CA10: variants seen among roughly 807,000 people sequenced by gnomAD.
The protein encoded by CA10 is carbonic anhydrase-related protein 10.
Under a neutral mutation model 44.2 loss-of-function variants are expected in CA10, and 14 were observed. The observed-to-expected ratio is 0.32, with a 90% confidence interval of 0.21 to 0.50. The LOEUF (loss-of-function observed/expected upper bound fraction) is 0.50. Ranked by LOEUF, CA10 falls within the 20% of genes least tolerant of loss-of-function variation. CA10 has a pLI of 0.99. For missense variants in CA10, 350 were observed against 409.7 expected (o/e 0.85, Z 1.26); for synonymous variants, 159 against 141.6 (o/e 1.12, Z -0.87).
intron 4 of CA10, among the ~76,000 whole-genome samples, chr17:51,665,292 G>T (rs980668732): frequency 2.0e-5 from 3 of 151,498 alleles, no homozygotes; most frequent in African/African-American, 4.9e-5. Flanking sequence ...GACTGTAGGG[G>T]ATGAATATTA....
chr17:52,044,074 T>C (rs922710586), intron 2 of CA10, among the ~76,000 whole-genome samples: 3 of 152,062 alleles, frequency 2.0e-5, no homozygotes, highest in Non-Finnish European at 4.4e-5. Context: ...ATTGTAAAAT[T>C]AGTTTGGGAG....
intron 3 of CA10, among the ~76,000 whole-genome samples, chr17:51,920,531 A>T (rs1982187603): frequency 6.6e-6 from 1 of 152,212 alleles, no homozygotes; most frequent in South Asian, 2.1e-4. Flanking sequence ...AGGAGTAAAG[A>T]ATGAGAGAGA....
At chr17:52,078,655 G>A (rs941319848) in intron 1 of CA10, among the ~76,000 whole-genome samples, 1 of 152,196 alleles carries the variant, frequency 6.6e-6, no homozygotes, top group South Asian at 2.1e-4. Flanking sequence ...TTCTAACATT[G>A]GATGCATATC....
intron 3 of CA10, among the ~76,000 whole-genome samples, chr17:51,772,680 TG>T (rs1436004812): frequency 8.9e-5 from 13 of 145,278 alleles, no homozygotes; most frequent in African/African-American, 2.3e-4. Context: ...TTTTTTTTTT[TG>T]AACTAGGCCA....
chr17:52,125,127 T>C (rs906732644), intron 1 of CA10, among the ~76,000 whole-genome samples: 1 of 152,204 alleles, frequency 6.6e-6, no homozygotes, highest in Non-Finnish European at 1.5e-5. Context: ...GTTTGTGAGG[T>C]CTTAGCTGAC....
At chr17:52,039,042 A>G (rs1466818517) in intron 2 of CA10, among the ~76,000 whole-genome samples, 3 of 152,084 alleles carry the variant, frequency 2.0e-5, no homozygotes, top group Non-Finnish European at 1.5e-5. Flanking sequence ...ATTTTTCCCA[A>G]CTCATGCATT....
At chr17:51,858,745 C>A (rs1979166046) in intron 3 of CA10, among the ~76,000 whole-genome samples, 2 of 152,162 alleles carry the variant, frequency 1.3e-5, no homozygotes, top group Non-Finnish European at 2.9e-5. Flanking sequence ...CACATTTGTG[C>A]AAACCTACTG....
At chr17:51,715,465 T>G (rs973638729) in intron 4 of CA10, among the ~76,000 whole-genome samples, 11 of 152,172 alleles carry the variant, frequency 7.2e-5, no homozygotes, top group Non-Finnish European at 1.2e-4. Flanking sequence ...AATGCTTGTA[T>G]ATATTTTTGG....
chr17:51,919,349 A>T (rs1982132888), intron 3 of CA10, among the ~76,000 whole-genome samples: 1 of 152,130 alleles, frequency 6.6e-6, no homozygotes, highest in African/African-American at 2.4e-5. Flanking sequence ...TGTACAACTG[A>T]TACCAGCTTT....
At chr17:51,749,338 T>C (rs139787623) in intron 3 of CA10, among the ~76,000 whole-genome samples, 5 of 152,244 alleles carry the variant, frequency 3.3e-5, no homozygotes, top group Non-Finnish European at 5.9e-5. Flanking sequence ...GTCCTGAGAG[T>C]AGACCTTGAG....
intron 1 of CA10, among the ~76,000 whole-genome samples, chr17:52,102,537 C>G (rs1380794082): frequency 6.6e-6 from 1 of 152,152 alleles, no homozygotes; most frequent in East Asian, 1.9e-4. Context: ...CTGAACCAAT[C>G]AAAAGCTGCC....
chr17:52,009,189 G>GT (rs947188701), intron 2 of CA10, among the ~76,000 whole-genome samples: 24 of 150,928 alleles, frequency 1.6e-4, no homozygotes, highest in Admixed American at 6.6e-4. Context: ...AATTTTGAAA[G>GT]TTTTTTTTTA....
chr17:52,101,099 C>T (rs754122027), intron 1 of CA10, among the ~76,000 whole-genome samples: 1 of 152,164 alleles, frequency 6.6e-6, no homozygotes, highest in Non-Finnish European at 1.5e-5. Context: ...ATAATGTAAG[C>T]TGATGCCACC....
chr17:51,968,802 A>G (rs1254049721), intron 2 of CA10, among the ~76,000 whole-genome samples: 2 of 151,996 alleles, frequency 1.3e-5, no homozygotes, highest in East Asian at 3.8e-4. Context: ...TGTGGCAATG[A>G]AGGGCATGAT....
At chr17:51,976,766 CA>C (rs368097396) in intron 2 of CA10, among the ~76,000 whole-genome samples, 1,528 of 148,644 alleles carry the variant, frequency 0.01, 23 homozygotes, top group African/African-American at 0.034. Flanking sequence ...GAAAAAAAGA[CA>C]AAAAAAAGGA....
At chr17:51,831,732 G>GCAGCAGCAGCAGCAGC (rs1567854679) in intron 3 of CA10, among the ~76,000 whole-genome samples, 72 of 145,814 alleles carry the variant, frequency 4.9e-4, no homozygotes, top group South Asian at 1.2e-3. Flanking sequence ...AGCAGCAGCA[G>GCAGCAGCAGCAGCAGC]AAAAAGACCT....
chr17:51,759,542 A>G (rs1905165371), intron 3 of CA10, among the ~76,000 whole-genome samples: 1 of 151,182 alleles, frequency 6.6e-6, no homozygotes, highest in African/African-American at 2.4e-5. Flanking sequence ...ATGTCTATTT[A>G]CCAGTCTTGA....
intron 3 of CA10, among the ~76,000 whole-genome samples, chr17:51,882,624 G>C (rs1341666676): frequency 2.0e-5 from 3 of 152,132 alleles, no homozygotes; most frequent in Admixed American, 2.0e-4. Flanking sequence ...TCAAGTACTT[G>C]GTACTCATAG....
At chr17:51,710,060 C>A (rs1474758733) in intron 4 of CA10, among the ~76,000 whole-genome samples, 1 of 152,142 alleles carries the variant, frequency 6.6e-6, no homozygotes, top group African/African-American at 2.4e-5. Flanking sequence ...GTTAAAACTG[C>A]CAGTTTCTCG....
Sources: allele counts gnomAD v4.1 joint callset (sites outside exome capture counted in the v4.1 genomes callset), GRCh38; gene constraint gnomAD v4.1.1; transcripts MANE v1.5; gene names NCBI Gene and HGNC (gene_info 2026-07-23, HGNC 2026-07-21).